Variants in FAM227B observed in about 807,000 individuals in gnomAD.
FAM227B encodes family with sequence similarity 227 member B.
A neutral mutation model predicts 73.8 loss-of-function variants in FAM227B; 88 were observed. The ratio of observed to expected loss-of-function variants is 1.19; its 90% confidence interval spans 1.00 to 1.42. The LOEUF is 1.42. FAM227B is among the 40% of genes most tolerant of loss of function. The pLI, the probability that FAM227B is intolerant of heterozygous loss-of-function variation, is 0.00. For missense variants in FAM227B, 632 were observed against 590.9 expected, an observed-to-expected ratio of 1.07 and a Z score of -0.72; for synonymous variants, 210 against 190.5, an observed-to-expected ratio of 1.10 and a Z score of -0.84.
chr15:49,615,363 C>T, intron 1 of FAM227B, 120 bp from the exon 2 acceptor site: 1 of 597,994 alleles, frequency 1.7e-6, no homozygotes, highest in Non-Finnish European at 3.0e-6. Flanking sequence ...CTCTGTATCT[C>T]CACTCAAATC....
At chr15:49,537,516 A>C (rs895604785) in intron 10 of FAM227B, among the ~76,000 whole-genome samples, 13 of 152,152 alleles carry the variant, frequency 8.5e-5, no homozygotes, top group Admixed American at 4.6e-4. Flanking sequence ...GAGTTCCTAA[A>C]GAAATTTAAA....
At chr15:49,518,403 C>G (rs2059535253) in intron 10 of FAM227B, among the ~76,000 whole-genome samples, 1 of 152,086 alleles carries the variant, frequency 6.6e-6, no homozygotes, top group Non-Finnish European at 1.5e-5. Context: ...GAATTATGCT[C>G]AAAACTGTTG....
intron 11 of FAM227B, among the ~76,000 whole-genome samples, chr15:49,506,894 G>C (rs903467755): frequency 6.6e-6 from 1 of 152,000 alleles, no homozygotes; most frequent in Non-Finnish European, 1.5e-5. Context: ...TAATTGGTAG[G>C]TAAAGGATAT....
chr15:49,539,840 G>A (rs903315727), intron 10 of FAM227B, among the ~76,000 whole-genome samples: 2 of 152,206 alleles, frequency 1.3e-5, no homozygotes, highest in Non-Finnish European at 2.9e-5. Flanking sequence ...GACATGTGTG[G>A]AGTAAAAGTG....
At chr15:49,421,300 A>G (rs2049605939) in intron 11 of FAM227B, among the ~76,000 whole-genome samples, 1 of 152,216 alleles carries the variant, frequency 6.6e-6, no homozygotes, top group Non-Finnish European at 1.5e-5. Context: ...GTCCTAATGA[A>G]TTGTGGGCCC....
intron 10 of FAM227B, among the ~76,000 whole-genome samples, chr15:49,535,242 G>A (rs1004306990): frequency 2.2e-4 from 33 of 151,414 alleles, no homozygotes; most frequent in African/African-American, 6.3e-4. Context: ...AAGTGGAGAC[G>A]TTACAAGAGA....
At chr15:49,606,855 A>T (rs1051877012) in intron 3 of FAM227B, among the ~76,000 whole-genome samples, 1 of 152,254 alleles carries the variant, frequency 6.6e-6, no homozygotes, top group Non-Finnish European at 1.5e-5. Context: ...AGAAGAAGGG[A>T]AGTGGAACCA....
intron 5 of FAM227B, among the ~76,000 whole-genome samples, chr15:49,585,507 C>G (rs1439116820): frequency 2.0e-5 from 3 of 152,178 alleles, no homozygotes; most frequent in Non-Finnish European, 2.9e-5. Context: ...GAATACTATG[C>G]AGCCATAAAA....
At chr15:49,466,112 C>G (rs905422208) in intron 11 of FAM227B, among the ~76,000 whole-genome samples, 1 of 152,154 alleles carries the variant, frequency 6.6e-6, no homozygotes, top group Non-Finnish European at 1.5e-5. Context: ...GATTAGGAAA[C>G]TACTAATCAC....
At chr15:49,550,843 G>A (rs976812559) in intron 9 of FAM227B, among the ~76,000 whole-genome samples, 10 of 151,582 alleles carry the variant, frequency 6.6e-5, no homozygotes, top group South Asian at 6.3e-4. Context: ...GACGATGGGC[G>A]GCCAGGCAGA....
chr15:49,432,770 C>G (rs112810650), intron 11 of FAM227B, among the ~76,000 whole-genome samples: 64 of 151,666 alleles, frequency 4.2e-4, no homozygotes, highest in African/African-American at 1.5e-3. Flanking sequence ...GAATACTGGA[C>G]AGAAATCCAG....
rs532003218 is a variant in FAM227B at position 49,569,431 on chromosome 15, G to A, written c.646-1085C>T. ...TTAGGATTTAATTTGTTCTGTTTCC[G>A]GTTACTTAATGTGTGAGACGGTGTG... On this transcript the variant is annotated intron_variant, in intron 8 of 15. Transcript: ENST00000299338. 6.0e-5 allele frequency among the ~76,000 whole-genome samples: 9 copies of A among 151,008 alleles called. 1 individual carries two copies. The South Asian group carries it at 6.3e-4, about 10-fold the overall frequency.
intron 11 of FAM227B, among the ~76,000 whole-genome samples, chr15:49,458,984 A>G (rs2053557776): frequency 6.6e-6 from 1 of 152,166 alleles, no homozygotes. Flanking sequence ...CAATAAAGCA[A>G]TTCGTTTGAT....
chr15:49,490,307 CA>C (rs1185000095), intron 11 of FAM227B, among the ~76,000 whole-genome samples: 1 of 151,752 alleles, frequency 6.6e-6, no homozygotes, highest in African/African-American at 2.4e-5. Context: ...ACAAAGTGCA[CA>C]AAAGTTCTCC....
At chr15:49,516,584 A>G (rs976943452) in intron 10 of FAM227B, among the ~76,000 whole-genome samples, 11 of 152,116 alleles carry the variant, frequency 7.2e-5, no homozygotes, top group Non-Finnish European at 1.5e-4. Flanking sequence ...GGCAGAAGCC[A>G]TAAGTAATGG....
chr15:49,373,147 G>A (rs2045952951), intron 11 of FAM227B, among the ~76,000 whole-genome samples: 1 of 151,264 alleles, frequency 6.6e-6, no homozygotes, highest in African/African-American at 2.4e-5. Context: ...AAAAATAAAA[G>A]AACCTCTCCA....
intron 11 of FAM227B, among the ~76,000 whole-genome samples, chr15:49,395,285 T>TA (rs1352102130): frequency 6.6e-6 from 1 of 152,142 alleles, no homozygotes; most frequent in Non-Finnish European, 1.5e-5. Flanking sequence ...AAAGATGGTT[T>TA]AAAAAAATCA....
At chr15:49,503,508 A>T (rs995409061) in intron 11 of FAM227B, among the ~76,000 whole-genome samples, 1 of 152,194 alleles carries the variant, frequency 6.6e-6, no homozygotes, top group Non-Finnish European at 1.5e-5. Flanking sequence ...ATGGGAGAAA[A>T]TTTCTGCAAT....
chr15:49,412,423 G>A (rs1219598955), intron 11 of FAM227B, among the ~76,000 whole-genome samples: 2 of 151,968 alleles, frequency 1.3e-5, no homozygotes, highest in African/African-American at 4.8e-5. Flanking sequence ...GAATATGAAA[G>A]CAATTTTCTT....
Sources: allele counts gnomAD v4.1 joint callset (sites outside exome capture counted in the v4.1 genomes callset), GRCh38; gene constraint gnomAD v4.1.1; transcripts MANE v1.5; gene names NCBI Gene and HGNC (gene_info 2026-07-23, HGNC 2026-07-21).